The following NXPH1 variants were observed in gnomAD, a reference collection of about 807,000 sequenced individuals.
NXPH1 encodes the protein neurexophilin 1, also known as neurexophilin-1.
NXPH1 carries 5 observed loss-of-function variants against 23.7 expected under a neutral mutation model. That is an observed-to-expected ratio of 0.21 (90% confidence interval 0.11 to 0.44). The LOEUF (loss-of-function observed/expected upper bound fraction) is 0.44, where lower values mean the gene tolerates loss of function less well. Ranked by LOEUF, NXPH1 falls within the 20% of genes least tolerant of loss-of-function variation. NXPH1 has a pLI of 0.99. For missense variants in NXPH1, 324 were observed against 321.6 expected (o/e 1.01, Z -0.06); for synonymous variants, 144 against 122.2 (o/e 1.18, Z -1.18).
At chr7:8,645,152 A>G (rs1820376577) in intron 2 of NXPH1, among the ~76,000 whole-genome samples, 1 of 152,144 alleles carries the variant, frequency 6.6e-6, no homozygotes, top group African/African-American at 2.4e-5. Flanking sequence ...TTTTCTTCGA[A>G]TGCACACAAA....
intron 2 of NXPH1, among the ~76,000 whole-genome samples, chr7:8,553,714 G>A (rs956250751): frequency 6.6e-5 from 10 of 151,544 alleles, no homozygotes; most frequent in African/African-American, 2.4e-4. Context: ...CAGATTTAAT[G>A]CATCACCAAG....
chr7:8,483,433 C>T (rs771562018), intron 2 of NXPH1, among the ~76,000 whole-genome samples: 1 of 151,966 alleles, frequency 6.6e-6, no homozygotes, highest in African/African-American at 2.4e-5. Flanking sequence ...CAGGCTCAAG[C>T]GGTCTACCCA....
At chr7:8,449,956 C>T (rs112815418) in intron 2 of NXPH1, among the ~76,000 whole-genome samples, 6 of 152,262 alleles carry the variant, frequency 3.9e-5, no homozygotes, top group African/African-American at 1.4e-4. Context: ...AGCTTCTGCT[C>T]GTGGCATGTG....
chr7:8,537,260 C>T (rs1407536940), intron 2 of NXPH1, among the ~76,000 whole-genome samples: 1 of 151,886 alleles, frequency 6.6e-6, no homozygotes. Context: ...CTTTATGTGC[C>T]ACCTCCCTGC....
chr7:8,462,413 G>T (rs1373248515), intron 2 of NXPH1, among the ~76,000 whole-genome samples: 1 of 152,182 alleles, frequency 6.6e-6, no homozygotes, highest in Non-Finnish European at 1.5e-5. Flanking sequence ...CTTTACAAAT[G>T]TTAACTCATT....
intron 2 of NXPH1, among the ~76,000 whole-genome samples, chr7:8,463,071 A>G (rs1816721768): frequency 6.6e-6 from 1 of 152,310 alleles, no homozygotes; most frequent in East Asian, 1.9e-4. Flanking sequence ...TTAAGTAAAC[A>G]TTGGAATTTA....
chr7:8,444,666 G>A (rs751869856), intron 2 of NXPH1, among the ~76,000 whole-genome samples: 1 of 152,248 alleles, frequency 6.6e-6, no homozygotes, highest in Non-Finnish European at 1.5e-5. Flanking sequence ...TGAGGTGTGT[G>A]TGTGTGGTGT....
intron 2 of NXPH1, among the ~76,000 whole-genome samples, chr7:8,492,924 G>A (rs1010895839): frequency 2.0e-5 from 3 of 151,924 alleles, no homozygotes; most frequent in Non-Finnish European, 4.4e-5. Context: ...GAAAGAGACA[G>A]AAAGAAAAAG....
chr7:8,464,403 T>C (rs1005213349), intron 2 of NXPH1, among the ~76,000 whole-genome samples: 12 of 152,182 alleles, frequency 7.9e-5, no homozygotes, highest in African/African-American at 2.9e-4. Context: ...TAGGTTAAAG[T>C]CCAAACTCCT....
chr7:8,518,883 CT>C (rs1817727251), intron 2 of NXPH1, among the ~76,000 whole-genome samples: 1 of 152,076 alleles, frequency 6.6e-6, no homozygotes, highest in Non-Finnish European at 1.5e-5. Flanking sequence ...TTCTTAAATT[CT>C]TTATATCTCC....
intron 2 of NXPH1, among the ~76,000 whole-genome samples, chr7:8,703,213 C>G (rs1779654666): frequency 6.6e-6 from 1 of 152,094 alleles, no homozygotes; most frequent in East Asian, 1.9e-4. Context: ...GGTTCAAGTC[C>G]CAGCCCCTCC....
At chr7:8,451,526 A>G (rs1354116804) in intron 2 of NXPH1, among the ~76,000 whole-genome samples, 2 of 152,228 alleles carry the variant, frequency 1.3e-5, no homozygotes, top group African/African-American at 4.8e-5. Flanking sequence ...TGTTTATTGA[A>G]TAACGAATTG....
At chr7:8,750,911 T>C in intron 2 of NXPH1, 97 bp from the exon 3 acceptor site, 1 of 1,224,286 alleles carries the variant, frequency 8.2e-7, no homozygotes, top group Non-Finnish European at 1.2e-6. Context: ...AAAGTGTAAT[T>C]ATTTAATCCT....
intron 2 of NXPH1, among the ~76,000 whole-genome samples, chr7:8,463,015 T>G (rs1816721023): frequency 6.6e-6 from 1 of 152,224 alleles, no homozygotes; most frequent in Non-Finnish European, 1.5e-5. Flanking sequence ...CATAGATTCC[T>G]TTCTCTTTTG....
chr7:8,481,455 GAAATA>G (rs1222438917), intron 2 of NXPH1, among the ~76,000 whole-genome samples: 5 of 152,064 alleles, frequency 3.3e-5, no homozygotes, highest in African/African-American at 4.8e-5. Flanking sequence ...AGGGTATTGG[GAAATA>G]AAATAAATAC....
At chr7:8,492,869 ACT>A (rs919390198) in intron 2 of NXPH1, among the ~76,000 whole-genome samples, 37 of 151,954 alleles carry the variant, frequency 2.4e-4, no homozygotes, top group Non-Finnish European at 2.6e-4. Context: ...TTGGCTGGAA[ACT>A]CTATTTATTG....
intron 2 of NXPH1, among the ~76,000 whole-genome samples, chr7:8,452,714 A>T (rs1221182718): frequency 6.6e-6 from 1 of 152,168 alleles, no homozygotes; most frequent in Non-Finnish European, 1.5e-5. Context: ...TCTAGTGGGC[A>T]TCCTAAAGAC....
At chr7:8,531,517 C>T (rs575246116) in intron 2 of NXPH1, among the ~76,000 whole-genome samples, 2 of 152,292 alleles carry the variant, frequency 1.3e-5, no homozygotes, top group African/African-American at 4.8e-5. Context: ...CCTTCAGTTA[C>T]TGTACTCTCT....
At position 8,597,940 on chromosome 7, in the gene NXPH1, G is replaced by A. The variant is rs144179959; in HGVS notation, c.55-153068G>A. 5.5e-4 allele frequency among the ~76,000 whole-genome samples: 83 copies of A among 151,890 alleles called. 1 individual carries two copies. In the East Asian group the frequency reaches 7.0e-3, roughly 13 times the overall value. ...GCAAATCTGAGAGTTCTTTTACTGC[G>A]GAGAGTGGTCCTATCATTTGAGTGT... On this transcript the variant is annotated intron_variant, in intron 2 of 2. Transcript: ENST00000405863.
Sources: gnomAD v4.1 joint callset for allele counts (sites outside exome capture counted in the v4.1 genomes callset) on GRCh38, gnomAD v4.1.1 for gene constraint, MANE v1.5 for transcripts, NCBI Gene and HGNC (gene_info 2026-07-23, HGNC 2026-07-21) for gene names.